Variants in ARHGEF12 observed in about 807,000 individuals in gnomAD.
The protein encoded by ARHGEF12 is Rho guanine nucleotide exchange factor 12, also known as KMT2A/ARHGEF12 fusion protein.
Under a neutral mutation model 211.2 loss-of-function variants are expected in ARHGEF12, and 66 were observed. That is an observed-to-expected ratio of 0.31 (90% CI 0.26 to 0.38). The LOEUF is 0.38. Ranked by LOEUF, ARHGEF12 falls within the 10% of genes least tolerant of loss-of-function variation. The pLI, the probability that ARHGEF12 is intolerant of heterozygous loss-of-function variation, is 1.00. For synonymous variants in ARHGEF12, 592 were observed against 638.4 expected, an observed-to-expected ratio of 0.93 and a Z score of 1.09; for missense variants, 1,429 against 1,869.5, an observed-to-expected ratio of 0.76 and a Z score of 4.34.
chr11:120,337,178 G>A lies in ARHGEF12; in HGVS notation c.-66G>A. 1.3e-6 allele frequency: 2 copies of A among 1,595,030 alleles called. No individual in the cohort carries two copies. The highest frequency in any genetic ancestry group is 1.7e-6 in the Non-Finnish European group (2 of 1,162,654). The stretch of plus-strand genomic sequence containing the variant: ...TGGGCCTGATCCCAGAGCACTGGGG[G>A]TGGGGAGGAGGTGTTACTGTAAAAT... On this transcript the variant is annotated 5_prime_UTR_variant, in exon 1 of 41. It adds an upstream start codon to the 5' untranslated region. Coordinates refer to ENST00000397843, the MANE Select transcript of ARHGEF12 (RefSeq NM_015313.3).
intron 30 of ARHGEF12, among the ~76,000 whole-genome samples, chr11:120,471,533 T>C (rs1210232493): frequency 1.3e-5 from 2 of 152,226 alleles, no homozygotes; most frequent in African/African-American, 2.4e-5. Flanking sequence ...GATAGAAGTT[T>C]AGGTTACACA....
intron 39 of ARHGEF12, among the ~76,000 whole-genome samples, chr11:120,482,681 C>T (rs1008623321): frequency 6.6e-6 from 1 of 151,254 alleles, no homozygotes; most frequent in African/African-American, 2.4e-5. Context: ...GGAGGCGGAG[C>T]TTGCAGGGAG....
In ARHGEF12 at chr11:120,425,339, GTTT is replaced by G. The variant is rs1323273529; in HGVS notation, c.406+938_406+940del. The stretch of plus-strand genomic sequence containing the variant: ...CCAAGAGAGATTTTATGTTTTCTTG[GTTT>G]TTTTTTTTTTTTTGTTTGTTTGTTT... On this transcript the variant is annotated intron_variant, in intron 7 of 40. Transcript: ENST00000397843. 1.0e-3 allele frequency among the ~76,000 whole-genome samples: 145 copies of G among 142,224 alleles called. 1 individual carries two copies. Among genetic ancestry groups the G allele is most frequent in the African/African-American group, 3.3e-3 (129 of 39,380 alleles). 93.3% of individuals were successfully genotyped at this position (142,224 alleles called of 152,430 possible).
chr11:120,457,728 G>A lies in ARHGEF12; in HGVS notation c.2197G>A (p.Glu733Lys). 6.2e-7 allele frequency: 1 copy of A among 1,608,254 alleles called. No homozygotes were observed. Among genetic ancestry groups the A allele is most frequent in the Non-Finnish European group, 8.5e-7 (1 of 1,177,388 alleles). ...EEECEVERVT[E>K]HGTPKPFRKF... ...TACTTTCCATTGTTTTAGGGTGACT[G>A]AACATGGGACACCAAAGCCCTTTCG... The change falls in exon 24 of 41, where the codon GAA (glutamate) becomes AAA (lysine). Residue 733 changes from glutamate (E) to lysine (K), a missense_variant. By Grantham distance (56) the Glu-to-Lys change is moderately conservative. Around this residue, in one of 7 missense-constraint regions of ARHGEF12, gnomAD observed 373 missense variants for 467.5 expected, o/e 0.80. Transcript: ENST00000397843.
chr11:120,373,496 T>C lies in ARHGEF12; in HGVS notation c.33-32622T>C, dbSNP rs184104434. Among the ~76,000 whole-genome samples, 4 of 152,324 alleles carry C rather than the reference T, an allele frequency of 2.6e-5. No individual in the cohort carries two copies. The East Asian group carries it at 7.7e-4, about 29-fold the overall frequency. On this transcript the variant is annotated intron_variant, in intron 1 of 40. Transcript: ENST00000397843. The stretch of plus-strand genomic sequence containing the variant: ...GCTGTGTTCCCAACACCTAGAACAG[T>C]GCCTGCACATAATAGATGCTCAATA...
intron 27 of ARHGEF12, among the ~76,000 whole-genome samples, chr11:120,461,198 G>A (rs573529983): frequency 6.6e-6 from 1 of 152,148 alleles, no homozygotes; most frequent in Non-Finnish European, 1.5e-5. Flanking sequence ...AGTTTGCTTT[G>A]CCCAGACCAA....
intron 18 of ARHGEF12, 22 bp from the exon 19 acceptor site, chr11:120,447,852 A>ATT: frequency 6.7e-7 from 1 of 1,500,676 alleles, no homozygotes. Flanking sequence ...TCATTTTTAA[A>ATT]TTTTTTTTTC....
In ARHGEF12 at chr11:120,457,200, C is replaced by A. The variant is rs1285227801; in HGVS notation, c.2139C>A (p.Phe713Leu). The A allele has an allele frequency of 2.5e-6, 4 of 1,614,098 alleles. No individual in the cohort carries two copies. The highest frequency in any genetic ancestry group is 1.3e-5 in the African/African-American group (1 of 75,040). ...GTACTCTCAATACTGTCTTTGATTT[C>A]CCACCACCTCCATTAGACCAAGTGC... Reference protein sequence around the residue: ...TPRTLNTVFDFPPPPLDQVQE... With the variant: ...TPRTLNTVFDLPPPPLDQVQE... The change falls in exon 23 of 41, where the codon TTC (phenylalanine) becomes TTA (leucine). Residue 713 changes from phenylalanine (F) to leucine (L), a missense_variant. Phe to Leu is a conservative substitution (Grantham distance 22). Transcript: ENST00000397843.
intron 30 of ARHGEF12, among the ~76,000 whole-genome samples, chr11:120,471,115 A>G (rs1157903975): frequency 6.6e-6 from 1 of 152,240 alleles, no homozygotes; most frequent in East Asian, 1.9e-4. Flanking sequence ...AATAAAATAT[A>G]TCTTTATCTG....
At chr11:120,465,756 C>T (rs1946687213) in intron 28 of ARHGEF12, among the ~76,000 whole-genome samples, 1 of 152,200 alleles carries the variant, frequency 6.6e-6, no homozygotes, top group Admixed American at 6.5e-5. Flanking sequence ...AGCCACTGCA[C>T]CTGGCCCACG....
chr11:120,400,716 G>A (rs1164853747), intron 1 of ARHGEF12, among the ~76,000 whole-genome samples: 2 of 152,176 alleles, frequency 1.3e-5, no homozygotes, highest in African/African-American at 4.8e-5. Flanking sequence ...AATAGCTCCA[G>A]CAGAGGGAAT....
At chr11:120,455,955 A>G (rs1946349094) in intron 22 of ARHGEF12, among the ~76,000 whole-genome samples, 1 of 152,260 alleles carries the variant, frequency 6.6e-6, no homozygotes, top group Non-Finnish European at 1.5e-5. Context: ...GATGGTGTGT[A>G]AGAAAGACTT....
chr11:120,445,568 C>T (rs1175485213), intron 16 of ARHGEF12, 104 bp downstream of exon 16: 3 of 1,121,228 alleles, frequency 2.7e-6, no homozygotes, highest in East Asian at 4.7e-5. Flanking sequence ...AGTCGATCAC[C>T]TGAATCACAA....
intron 1 of ARHGEF12, among the ~76,000 whole-genome samples, chr11:120,338,726 C>T (rs950010926): frequency 6.6e-6 from 1 of 152,104 alleles, no homozygotes; most frequent in Non-Finnish European, 1.5e-5. Context: ...TTCTGTTGAG[C>T]CTGTAAACAA....
At chr11:120,366,131 C>T (rs1048002293) in intron 1 of ARHGEF12, among the ~76,000 whole-genome samples, 1 of 152,134 alleles carries the variant, frequency 6.6e-6, no homozygotes, top group African/African-American at 2.4e-5. Flanking sequence ...TGGCATATGC[C>T]TGTGGGGCCA....
At chr11:120,412,129 T>C (rs1365324481) in intron 4 of ARHGEF12, among the ~76,000 whole-genome samples, 12 of 152,206 alleles carry the variant, frequency 7.9e-5, no homozygotes, top group Non-Finnish European at 1.8e-4. Context: ...TAAACGTGTA[T>C]GGATGCGTTT....
intron 15 of ARHGEF12, 47 bp downstream of exon 15, chr11:120,442,249 T>A (rs924657037): frequency 7.0e-7 from 1 of 1,420,588 alleles, no homozygotes; most frequent in Non-Finnish European, 9.7e-7. Context: ...GTACATGGAA[T>A]TATTGTCCTC....
intron 4 of ARHGEF12, among the ~76,000 whole-genome samples, chr11:120,418,454 C>T (rs771904193): frequency 3.3e-5 from 5 of 152,074 alleles, no homozygotes; most frequent in South Asian, 2.1e-4. Context: ...TCCATTCATC[C>T]GTTGATAGAC....
At chr11:120,404,612 C>T (rs867402468) in intron 1 of ARHGEF12, among the ~76,000 whole-genome samples, 1 of 152,086 alleles carries the variant, frequency 6.6e-6, no homozygotes, top group African/African-American at 2.4e-5. Context: ...GCTCAGGAAA[C>T]GGGTTTACAA....
Sources: gnomAD v4.1 joint callset for allele counts (sites outside exome capture counted in the v4.1 genomes callset) on GRCh38, gnomAD v4.1.1 for gene constraint, gnomAD v4.1.1 regional missense constraint, MANE v1.5 for transcripts, NCBI Gene and HGNC (gene_info 2026-07-23, HGNC 2026-07-21) for gene names.